Variants in VWA5B1 observed in about 807,000 individuals in gnomAD.
The protein encoded by VWA5B1 is von Willebrand factor A domain-containing protein 5B1.
Under a neutral mutation model 118.2 loss-of-function variants are expected in VWA5B1, and 115 were observed. The observed-to-expected ratio is 0.97, with a 90% CI of 0.84 to 1.14. VWA5B1 has a LOEUF of 1.14. Ranked by LOEUF, VWA5B1 falls within the 50% of genes most tolerant of loss-of-function variation. The probability of loss-of-function intolerance (pLI) is 0.00; values close to 1 mark genes in which losing one functional copy is unlikely to be tolerated. For missense variants in VWA5B1, 1,596 were observed against 1,603.8 expected (o/e 1.00, Z 0.08); for synonymous variants, 682 against 658.4 (o/e 1.04, Z -0.55).
chr1:20,304,093 G>A (rs2088575204), intron 1 of VWA5B1, among the ~76,000 whole-genome samples: 1 of 152,220 alleles, frequency 6.6e-6, no homozygotes, highest in African/African-American at 2.4e-5. Context: ...AGTCCAGGGA[G>A]CTGGAACAAG....
rs112567851 is a variant in VWA5B1 at position 20,327,664 on chromosome 1, A to ATGG, written c.1144-195_1144-193dup. Among the ~76,000 whole-genome samples, 518 of 144,910 alleles carry ATGG rather than the reference A, an allele frequency of 3.6e-3. 3 individuals are homozygous for ATGG. Among genetic ancestry groups the ATGG allele is most frequent in the African/African-American group, 9.1e-3 (361 of 39,492 alleles). ...GACGACGACGACGATGATGATGATG[A>ATGG]TGGTGGTGGTGGTGGTGGTGGTGGT... On this transcript the variant is annotated intron_variant, in intron 8 of 21. Transcript: ENST00000289815.
intron 2 of VWA5B1, among the ~76,000 whole-genome samples, chr1:20,311,229 T>C (rs1327556347): frequency 3.3e-5 from 5 of 152,176 alleles, no homozygotes; most frequent in African/African-American, 4.8e-5. Context: ...CACCTCGGCC[T>C]CCCGAAGTAC....
At chr1:20,299,848 C>T (rs183244554) in intron 1 of VWA5B1, among the ~76,000 whole-genome samples, 56 of 152,294 alleles carry the variant, frequency 3.7e-4, no homozygotes, top group Admixed American at 1.3e-3. Context: ...CTCCTACCCC[C>T]GCCTCCCCAC....
At chr1:20,293,504 C>A in intron 1 of VWA5B1, among the ~76,000 whole-genome samples, 1 of 152,174 alleles carries the variant, frequency 6.6e-6, no homozygotes, top group East Asian at 1.9e-4. Context: ...TCTCAGTACC[C>A]CGATGGTTCC....
chr1:20,349,731 CTTTTT>C (rs35309990), intron 18 of VWA5B1, among the ~76,000 whole-genome samples: 2 of 111,784 alleles, frequency 1.8e-5, no homozygotes, highest in African/African-American at 7.2e-5. Flanking sequence ...ACATTCCTGA[CTTTTT>C]TTTTTTTTTT....
intron 1 of VWA5B1, among the ~76,000 whole-genome samples, chr1:20,295,896 C>T (rs138154324): frequency 2.6e-4 from 39 of 152,216 alleles, no homozygotes; most frequent in African/African-American, 7.0e-4. Flanking sequence ...GAGTTTTGTT[C>T]TTGTTGCCCA....
chr1:20,291,470 C>T (rs1334100748), intron 1 of VWA5B1, among the ~76,000 whole-genome samples: 2 of 79,228 alleles, frequency 2.5e-5, no homozygotes, highest in Non-Finnish European at 4.3e-5. Flanking sequence ...GTCTGTTTCT[C>T]TTTTTTCTCT....
Position 20,354,428 on chromosome 1 carries a change from G to T in VWA5B1, c.*165G>T. ...GAGGCCTGAGTTCAATCCCAACTTT[G>T]CTACCATCCAGCCATGCAACTTTAG... On this transcript the variant is annotated 3_prime_UTR_variant, in exon 22 of 22. Coordinates refer to ENST00000289815, the MANE Select transcript of VWA5B1 (RefSeq NM_001039500.3). 1 of 888,736 alleles carries T rather than the reference G, an allele frequency of 1.1e-6. No individual in the cohort carries two copies. The highest frequency in any genetic ancestry group is 2.7e-5 in the East Asian group (1 of 36,892). 55.1% of individuals were successfully genotyped at this position (888,736 alleles called of 1,614,324 possible). A position where few individuals can be genotyped will look rare whatever the true frequency, so the allele number is the denominator to read the frequency against.
chr1:20,335,448 G>A (rs2089686281), intron 12 of VWA5B1, among the ~76,000 whole-genome samples: 1 of 152,214 alleles, frequency 6.6e-6, no homozygotes, highest in Non-Finnish European at 1.5e-5. Flanking sequence ...AACAGCTGAT[G>A]TGTTATTTAT....
Position 20,310,431 on chromosome 1 carries a change from A to T in VWA5B1, c.-26-145A>T, listed in dbSNP as rs1390476213. 8 of 774,352 alleles carry T rather than the reference A, an allele frequency of 1.0e-5. No individual in the cohort carries two copies. In the East Asian group the frequency reaches 2.4e-4, roughly 24 times the overall value. The allele number at this position is 774,352 out of a possible 1,614,324, so 48.0% of individuals were successfully genotyped here. ...GGAGATTGGTAGTTATCCTGCGGTC[A>T]CTTCCTTCCCAGGAACTGGGAAGTT... On this transcript the variant is annotated intron_variant, in intron 1 of 21. Coordinates refer to ENST00000289815, the MANE Select transcript of VWA5B1 (RefSeq NM_001039500.3).
chr1:20,320,918 C>T (rs1307975068), intron 7 of VWA5B1, among the ~76,000 whole-genome samples: 1 of 151,982 alleles, frequency 6.6e-6, no homozygotes, highest in Non-Finnish European at 1.5e-5. Context: ...TCTGGTGGAG[C>T]GGCTTCACGT....
chr1:20,328,542 A>G (rs1440195835), intron 9 of VWA5B1, among the ~76,000 whole-genome samples: 1 of 152,094 alleles, frequency 6.6e-6, no homozygotes. Context: ...AGAGGGAGGG[A>G]GGAAGGAAGG....
At position 20,317,572 on chromosome 1, in the gene VWA5B1, G is replaced by C. The variant is rs2089057478; in HGVS notation, c.606G>C (p.Trp202Cys). ...HCFGAWAPGSWNKLCLATLLN... is the reference protein window; with the variant it reads ...HCFGAWAPGSCNKLCLATLLN... Reference sequence around the variant, plus strand: ...TCGGTGCCTGGGCCCCGGGCTCCTGGAATAAGTTGTGCCTGGCGACTCTCC... The same window carrying C: ...TCGGTGCCTGGGCCCCGGGCTCCTGCAATAAGTTGTGCCTGGCGACTCTCC... The change falls in exon 5 of 22, where the codon TGG (tryptophan) becomes TGC (cysteine). Residue 202 changes from tryptophan to cysteine, a missense_variant. By Grantham distance (215) the Trp-to-Cys change is radical. Transcript: ENST00000289815. 3 of 1,551,756 alleles carry C rather than the reference G, an allele frequency of 1.9e-6. No homozygotes were observed. The highest frequency in any genetic ancestry group is 1.2e-5 in the South Asian group (1 of 84,048).
At chr1:20,348,140 T>C (rs780761810) in intron 17 of VWA5B1, 105 bp from the exon 18 acceptor site, 8 of 1,083,772 alleles carry the variant, frequency 7.4e-6, no homozygotes, top group Non-Finnish European at 1.1e-5. Context: ...TGCCTTTGGA[T>C]AATTGAAAGA....
intron 4 of VWA5B1, 36 bp from the exon 5 acceptor site, chr1:20,317,494 G>A (rs1467172942): frequency 6.5e-7 from 1 of 1,547,498 alleles, no homozygotes; most frequent in African/African-American, 1.4e-5. Flanking sequence ...CTTCCACCCT[G>A]GCTGGTCTCC....
Position 20,337,074 on chromosome 1 carries a change from GCA to G in VWA5B1, c.1943-563_1943-562del, listed in dbSNP as rs548712078. Among the ~76,000 whole-genome samples, 28 of 152,030 alleles carry G rather than the reference GCA, an allele frequency of 1.8e-4. No individual in the cohort carries two copies. In the East Asian group the frequency reaches 5.4e-3, roughly 29 times the overall value. On this transcript the variant is annotated intron_variant, in intron 13 of 21. Coordinates refer to ENST00000289815, the MANE Select transcript of VWA5B1 (RefSeq NM_001039500.3). ...ATGTGGAGAGTGTGACACTTAGAAAGCACACACACAATTGGCTTCTGATCTAG... is the reference window on the plus strand; with the variant it reads ...ATGTGGAGAGTGTGACACTTAGAAAGCACACACAATTGGCTTCTGATCTAG...
intron 8 of VWA5B1, among the ~76,000 whole-genome samples, chr1:20,324,696 A>G (rs1199209888): frequency 1.3e-5 from 2 of 151,114 alleles, no homozygotes. Context: ...TCTTGTTTCC[A>G]GGGCAGCAAG....
chr1:20,311,629 G>T (rs2100840638), intron 2 of VWA5B1, among the ~76,000 whole-genome samples: 1 of 152,296 alleles, frequency 6.6e-6, no homozygotes, highest in East Asian at 1.9e-4. Context: ...ACTTCAGGAG[G>T]GGAATTGTGG....
At chr1:20,342,376 TC>T in intron 14 of VWA5B1, 55 bp from the exon 15 acceptor site, 1 of 1,522,114 alleles carries the variant, frequency 6.6e-7, no homozygotes, top group East Asian at 2.5e-5. Context: ...CTCCTTCTCC[TC>T]CTCCTCCTCC....
Sources: allele counts gnomAD v4.1 joint callset (sites outside exome capture counted in the v4.1 genomes callset), GRCh38; gene constraint gnomAD v4.1.1; transcripts MANE v1.5; gene names NCBI Gene and HGNC (gene_info 2026-07-23, HGNC 2026-07-21).